The following PRKDC variants were observed in gnomAD, a reference collection of about 807,000 sequenced individuals.
PRKDC encodes protein kinase, DNA-activated, catalytic subunit.
A neutral mutation model predicts 486.9 loss-of-function variants in PRKDC; 82 were observed. The ratio of observed to expected loss-of-function variants is 0.17; its 90% CI spans 0.14 to 0.20. The LOEUF (loss-of-function observed/expected upper bound fraction) is 0.20. Among genes scored for constraint, PRKDC ranks in the 10% least tolerant of loss-of-function variants. PRKDC has a pLI of 1.00. For synonymous variants in PRKDC, 1,895 were observed against 1,837.0 expected (o/e 1.03, Z -0.81); for missense variants, 4,504 against 5,038.2 (o/e 0.89, Z 3.21).
At chr8:47,936,227 G>C in intron 12 of PRKDC, 126 bp downstream of exon 12, 2 of 1,076,462 alleles carry the variant, frequency 1.9e-6, no homozygotes, top group Non-Finnish European at 2.6e-6. Flanking sequence ...TTGCCACAAA[G>C]TACTAACTAA....
rs555789702 is a variant in PRKDC, at chr8:47,781,208, C to G, written c.11489+954G>C. Among the ~76,000 whole-genome samples, 15 of 152,298 alleles carry G rather than the reference C, an allele frequency of 9.8e-5. No homozygotes were observed. In the East Asian group the frequency reaches 2.7e-3, roughly 27 times the overall value. On this transcript the variant is annotated intron_variant, in intron 80 of 85. Coordinates refer to ENST00000314191, the MANE Select transcript of PRKDC (RefSeq NM_006904.7). Reference sequence around the variant, plus strand: ...CAGAGCCTCAGTGCCAGGGCCAGATCTGCAATTTGTGAGACTCCAGGAAGC... The same window carrying G: ...CAGAGCCTCAGTGCCAGGGCCAGATGTGCAATTTGTGAGACTCCAGGAAGC...
intron 59 of PRKDC, 97 bp downstream of exon 59, chr8:47,834,099 A>C (rs2087950574): frequency 6.9e-6 from 10 of 1,449,408 alleles, no homozygotes; most frequent in Non-Finnish European, 9.6e-6. Context: ...TACGAATGAG[A>C]AGGAAACATG....
intron 36 of PRKDC, among the ~76,000 whole-genome samples, chr8:47,883,097 T>C (rs1395840324): frequency 6.6e-6 from 1 of 152,192 alleles, no homozygotes; most frequent in African/African-American, 2.4e-5. Flanking sequence ...CCCAGCAGCA[T>C]CGTGATGAGA....
At chr8:47,851,300 T>C (rs894558117) in intron 52 of PRKDC, among the ~76,000 whole-genome samples, 2 of 152,232 alleles carry the variant, frequency 1.3e-5, no homozygotes, top group Non-Finnish European at 2.9e-5. Flanking sequence ...AAACATATTA[T>C]GTAGATTTAA....
At chr8:47,808,173 G>A (rs1302600076) in intron 68 of PRKDC, among the ~76,000 whole-genome samples, 1 of 152,044 alleles carries the variant, frequency 6.6e-6, no homozygotes, top group Non-Finnish European at 1.5e-5. Flanking sequence ...ACAGGGTCTT[G>A]CTCTGTTGCC....
intron 11 of PRKDC, among the ~76,000 whole-genome samples, chr8:47,938,068 T>G (rs1052812100): frequency 6.6e-6 from 1 of 152,020 alleles, no homozygotes; most frequent in Non-Finnish European, 1.5e-5. Context: ...GAGTTATGAT[T>G]GTACCACTAC....
chr8:47,861,392 G>C (rs1358940637), intron 44 of PRKDC, among the ~76,000 whole-genome samples: 1 of 152,196 alleles, frequency 6.6e-6, no homozygotes, highest in South Asian at 2.1e-4. Flanking sequence ...TGCTAATTTT[G>C]TTGTTTTTTA....
chr8:47,897,359 C>A, intron 29 of PRKDC, 65 bp from the exon 30 acceptor site: 1 of 1,425,424 alleles, frequency 7.0e-7, no homozygotes, highest in South Asian at 1.7e-5. Context: ...TACCAAGGCT[C>A]TAGAAATCAT....
chr8:47,872,867 T>C (rs577984574), intron 40 of PRKDC, among the ~76,000 whole-genome samples: 2 of 152,242 alleles, frequency 1.3e-5, no homozygotes, highest in South Asian at 4.2e-4. Flanking sequence ...GCCTTCAGGA[T>C]TGGACAGATC....
intron 3 of PRKDC, among the ~76,000 whole-genome samples, chr8:47,956,163 A>ACC (rs1044783445): frequency 1.3e-5 from 2 of 152,058 alleles, no homozygotes; most frequent in Non-Finnish European, 2.9e-5. Context: ...GGAGTTCGAG[A>ACC]CCAGCCTGGC....
chr8:47,800,879 C>T lies in PRKDC; in HGVS notation c.10030G>A (p.Glu3344Lys). ...TCGATTTCAGCAAGGCAGGCTGGCT[C>T]ACTGCTGAGAGCATTCGCTATGATC... ...YRIIANALSS[E>K]PACLAEIEED... Residue 3344 changes from glutamate (E) to lysine (K), a missense_variant, in exon 71 of 86, where the codon GAG (glutamate) becomes AAG (lysine). Physicochemically the swap from Glu to Lys is moderately conservative, Grantham distance 56 (BLOSUM62 1). Around this residue, in one of 6 missense-constraint regions of PRKDC, gnomAD observed 1,592 missense variants for 1,724.6 expected, o/e 0.92. Transcript: ENST00000314191. 1 of 1,613,698 alleles carries T rather than the reference C, an allele frequency of 6.2e-7. No individual in the cohort carries two copies.
At chr8:47,861,949 C>T in intron 44 of PRKDC, 113 bp downstream of exon 44, 1 of 796,526 alleles carries the variant, frequency 1.3e-6, no homozygotes, top group Non-Finnish European at 2.0e-6. Context: ...CATGAAACCA[C>T]CAGTTTTTGT....
intron 61 of PRKDC, among the ~76,000 whole-genome samples, chr8:47,830,289 G>A (rs1211918935): frequency 1.3e-5 from 2 of 152,180 alleles, no homozygotes; most frequent in Non-Finnish European, 1.5e-5. Context: ...TGATTCCTGA[G>A]TGCTAGGTAC....
Position 47,820,732 on chromosome 8 carries a change from T to C in PRKDC, c.9323A>G (p.Gln3108Arg). The C allele has an allele frequency of 6.5e-7, 1 of 1,548,568 alleles. No homozygotes were observed. The highest frequency in any genetic ancestry group is 8.7e-7 in the Non-Finnish European group (1 of 1,144,024). Residue 3108 changes from glutamine (Q) to arginine (R), a missense_variant, in exon 66 of 86, where the codon CAG (glutamine) becomes CGG (arginine). This residue lies in a region of PRKDC where 1,592 missense variants were observed against 1,724.6 expected (regional missense o/e 0.92). Coordinates refer to ENST00000314191, the MANE Select transcript of PRKDC (RefSeq NM_006904.7). ...RAKYYIQNGIQSFMQNYSSID... is the reference protein window; with the variant it reads ...RAKYYIQNGIRSFMQNYSSID... ...ATATAGTATTACCTGCATAAAACTC[T>C]GAATGCCATTTTGAATGTAATATTT...
At chr8:47,807,608 C>T (rs1275589935) in intron 68 of PRKDC, among the ~76,000 whole-genome samples, 1 of 150,888 alleles carries the variant, frequency 6.6e-6, no homozygotes, top group Non-Finnish European at 1.5e-5. Flanking sequence ...TTAGTAGAGA[C>T]GGGGTTTCAC....
intron 54 of PRKDC, among the ~76,000 whole-genome samples, chr8:47,842,563 A>G (rs1320077312): frequency 6.6e-6 from 1 of 151,970 alleles, no homozygotes; most frequent in Non-Finnish European, 1.5e-5. Context: ...CTCAAGGAAA[A>G]TGATGAATAA....
intron 74 of PRKDC, among the ~76,000 whole-genome samples, chr8:47,790,096 A>G (rs1186900224): frequency 1.3e-5 from 2 of 152,334 alleles, no homozygotes; most frequent in South Asian, 2.1e-4. Flanking sequence ...AAGGGTATCT[A>G]TATTAGAAAG....
intron 46 of PRKDC, among the ~76,000 whole-genome samples, chr8:47,859,188 A>G (rs562911259): frequency 7.4e-4 from 112 of 152,320 alleles, no homozygotes; most frequent in African/African-American, 2.6e-3. Flanking sequence ...TCCCAAGTAC[A>G]TAGTCCCCGT....
At chr8:47,897,885 C>T (rs1325396182) in intron 29 of PRKDC, among the ~76,000 whole-genome samples, 1 of 152,178 alleles carries the variant, frequency 6.6e-6, no homozygotes, top group African/African-American at 2.4e-5. Flanking sequence ...TCCAGAGTGG[C>T]GGTCACTAGC....
Sources: gnomAD v4.1 joint callset for allele counts (sites outside exome capture counted in the v4.1 genomes callset) on GRCh38, gnomAD v4.1.1 for gene constraint, gnomAD v4.1.1 regional missense constraint, MANE v1.5 for transcripts, NCBI Gene and HGNC (gene_info 2026-07-23, HGNC 2026-07-21) for gene names.